CREB1: variants seen among roughly 807,000 people sequenced by gnomAD.
CREB1 encodes the protein cAMP responsive element binding protein 1.
CREB1 carries 2 observed loss-of-function variants against 42.0 expected under a neutral mutation model. That is an observed-to-expected ratio of 0.05 (90% CI 0.02 to 0.15). The LOEUF (loss-of-function observed/expected upper bound fraction) is 0.15. CREB1 is among the 10% of genes least tolerant of loss of function. The pLI is 1.00. For missense variants in CREB1, 199 were observed against 388.9 expected (o/e 0.51, Z 4.11); for synonymous variants, 123 against 139.9 (o/e 0.88, Z 0.85).
chr2:207,564,092 C>T (rs912143873), intron 3 of CREB1, among the ~76,000 whole-genome samples: 2 of 151,534 alleles, frequency 1.3e-5, no homozygotes, highest in South Asian at 2.1e-4. Flanking sequence ...TTTTATAATA[C>T]GAATACTTAA....
At chr2:207,538,506 G>A (rs1436226206) in intron 1 of CREB1, among the ~76,000 whole-genome samples, 1 of 151,832 alleles carries the variant, frequency 6.6e-6, no homozygotes, top group Non-Finnish European at 1.5e-5. Flanking sequence ...CTAGCTGTGT[G>A]AACAAAGATG....
intron 1 of CREB1, among the ~76,000 whole-genome samples, chr2:207,549,676 C>T (rs1009463008): frequency 2.0e-5 from 3 of 152,034 alleles, no homozygotes; most frequent in African/African-American, 2.4e-5. Flanking sequence ...AAATCGAGAC[C>T]GTCCTGGCTA....
chr2:207,603,886 A>C lies in CREB1; in HGVS notation c.*6828A>C, dbSNP rs1237134494. ...TATCTCCTATACTATTAACTTCTGA[A>C]ATAAGTTCTGAGACGAGACATCTGA... is the stretch of plus-strand genomic sequence containing the variant. On this transcript the variant is annotated 3_prime_UTR_variant, in exon 8 of 8. Coordinates refer to ENST00000353267, the MANE Select transcript of CREB1 (RefSeq NM_004379.5). Among the ~76,000 whole-genome samples, 1 of 152,226 alleles carries C rather than the reference A, an allele frequency of 6.6e-6. No homozygotes were observed. The highest frequency in any genetic ancestry group is 6.5e-5 in the Admixed American group (1 of 15,280).
intron 1 of CREB1, 40 bp from the exon 2 acceptor site, chr2:207,555,588 A>T: frequency 7.6e-7 from 1 of 1,319,770 alleles, no homozygotes; most frequent in Admixed American, 1.9e-5. Flanking sequence ...GAAAGCACAA[A>T]GCACTGTGGT....
chr2:207,572,803 G>A (rs1255412672), intron 5 of CREB1, among the ~76,000 whole-genome samples: 1 of 148,258 alleles, frequency 6.7e-6, no homozygotes, highest in Non-Finnish European at 1.5e-5. Flanking sequence ...GCAACAGCGA[G>A]ACTCCATCTC....
chr2:207,551,718 C>T (rs924083167), intron 1 of CREB1, among the ~76,000 whole-genome samples: 4 of 152,044 alleles, frequency 2.6e-5, no homozygotes, highest in African/African-American at 9.7e-5. Flanking sequence ...ATTATGGTCT[C>T]AGCTCCTAGG....
At chr2:207,559,781 G>T (rs2081884083) in intron 2 of CREB1, among the ~76,000 whole-genome samples, 1 of 152,154 alleles carries the variant, frequency 6.6e-6, no homozygotes, top group East Asian at 1.9e-4. Context: ...TAGTATATCT[G>T]TTGACCTTGG....
intron 1 of CREB1, among the ~76,000 whole-genome samples, chr2:207,538,316 C>T (rs1007930324): frequency 5.3e-5 from 8 of 152,044 alleles, no homozygotes; most frequent in Non-Finnish European, 7.4e-5. Context: ...TAATTTAATA[C>T]GTGCATTATA....
intron 7 of CREB1, chr2:207,581,652 C>T (rs781260764): frequency 1.2e-5 from 5 of 424,668 alleles, no homozygotes; most frequent in Admixed American, 4.1e-5. Flanking sequence ...TTTAAAAATA[C>T]AGAGTTCCGG....
chr2:207,604,045 C>G lies in CREB1; in HGVS notation c.*6987C>G, dbSNP rs1285392915. Among the ~76,000 whole-genome samples the G allele has an allele frequency of 1.3e-5, 2 of 152,132 alleles. No individual in the cohort carries two copies. Among genetic ancestry groups the G allele is most frequent in the Non-Finnish European group, 2.9e-5 (2 of 68,026 alleles). Reference sequence around the variant, plus strand: ...AACAACGATTACAGAATTTATTGCACAAAATGAGACATTTTGAGAGTGATA... The same window carrying G: ...AACAACGATTACAGAATTTATTGCAGAAAATGAGACATTTTGAGAGTGATA... On this transcript the variant is annotated 3_prime_UTR_variant, in exon 8 of 8. Coordinates refer to ENST00000353267, the MANE Select transcript of CREB1 (RefSeq NM_004379.5).
In CREB1 at chr2:207,597,193, A is replaced by G; in HGVS notation, c.*135A>G. 1.1e-6 allele frequency: 1 copy of G among 910,984 alleles called. No individual in the cohort carries two copies. The highest frequency in any genetic ancestry group is 1.6e-6 in the Non-Finnish European group (1 of 638,468). The allele number at this position is 910,984 out of a possible 1,614,324, so 56.4% of individuals were successfully genotyped here. On this transcript the variant is annotated 3_prime_UTR_variant, in exon 8 of 8. Transcript: ENST00000353267. ...CAAAACTGCCTGAAAGCAACTACAG[A>G]ATTTCATTCATTTGTGCTTTTGCAT...
chr2:207,570,458 T>TGCATAGTGAAGAGTAAAGG, intron 5 of CREB1, 137 bp downstream of exon 5: 1 of 769,652 alleles, frequency 1.3e-6, no homozygotes, highest in Non-Finnish European at 2.0e-6. Flanking sequence ...ATATTTCCTT[T>TGCATAGTGAAGAGTAAAGG]ACTCTTCACT....
chr2:207,547,073 A>G (rs886778755), intron 1 of CREB1, among the ~76,000 whole-genome samples: 1 of 152,190 alleles, frequency 6.6e-6, no homozygotes, highest in African/African-American at 2.4e-5. Context: ...CCATCTGTGA[A>G]GTTAGCTAAC....
chr2:207,544,068 C>CG (rs1453806841), intron 1 of CREB1, among the ~76,000 whole-genome samples: 1 of 151,886 alleles, frequency 6.6e-6, no homozygotes, highest in Non-Finnish European at 1.5e-5. Context: ...TACAGGGGCC[C>CG]GCCACCACGC....
At position 207,599,272 on chromosome 2, in the gene CREB1, G is replaced by T. The variant is rs1559089236; in HGVS notation, c.*2214G>T. On this transcript the variant is annotated 3_prime_UTR_variant, in exon 8 of 8. Coordinates refer to ENST00000353267, the MANE Select transcript of CREB1 (RefSeq NM_004379.5). Reference sequence around the variant, plus strand: ...ATAGATATGTCATTTTTAAAAACTGGTTTAACAGAAATCAAGCAAAGTCAC... The same window carrying T: ...ATAGATATGTCATTTTTAAAAACTGTTTTAACAGAAATCAAGCAAAGTCAC... 1 of 203,240 alleles carries T rather than the reference G, an allele frequency of 4.9e-6. No homozygotes were observed. Among genetic ancestry groups the T allele is most frequent in the East Asian group, 7.6e-5 (1 of 13,116 alleles). 12.6% of individuals were successfully genotyped at this position (203,240 alleles called of 1,614,324 possible).
Position 207,590,083 on chromosome 2 carries a change from G to GTTTT in CREB1, c.840-6810_840-6807dup, listed in dbSNP as rs59126515. Among the ~76,000 whole-genome samples the GTTTT allele has an allele frequency of 9.0e-3, 682 of 76,046 alleles. 17 individuals are homozygous for GTTTT. Among genetic ancestry groups the GTTTT allele is most frequent in the African/African-American group, 0.031 (652 of 20,818 alleles). The allele number at this position is 76,046 out of a possible 152,430, so 49.9% of individuals were successfully genotyped here. On this transcript the variant is annotated intron_variant, in intron 7 of 7. Coordinates refer to ENST00000353267, the MANE Select transcript of CREB1 (RefSeq NM_004379.5). ...GGCCTGGAGTTTTCTATTTTGAGAA[G>GTTTT]TTTTTTTTTTTTTTTTTTTTTTTTA...
chr2:207,589,780 A>G (rs992159204), intron 7 of CREB1, among the ~76,000 whole-genome samples: 1 of 152,184 alleles, frequency 6.6e-6, no homozygotes, highest in Non-Finnish European at 1.5e-5. Flanking sequence ...ATTTTGAGAT[A>G]TGCATGCATT....
chr2:207,576,042 G>A (rs889745766), intron 6 of CREB1, among the ~76,000 whole-genome samples: 2 of 146,928 alleles, frequency 1.4e-5, no homozygotes, highest in African/African-American at 5.0e-5. Context: ...GCCCAGGCTA[G>A]TCTTGAACTC....
intron 1 of CREB1, among the ~76,000 whole-genome samples, chr2:207,535,669 C>T (rs773696490): frequency 5.9e-5 from 9 of 151,846 alleles, no homozygotes; most frequent in South Asian, 2.1e-4. Context: ...TTTTTACCCC[C>T]GTGGGGAAAC....
Sources: allele counts gnomAD v4.1 joint callset (sites outside exome capture counted in the v4.1 genomes callset), GRCh38; gene constraint gnomAD v4.1.1; transcripts MANE v1.5; gene names NCBI Gene and HGNC (gene_info 2026-07-23, HGNC 2026-07-21).